The following TMEM143 variants were observed in gnomAD, a reference collection of about 807,000 sequenced individuals.
The protein encoded by TMEM143 is transmembrane protein 143.
A neutral mutation model predicts 40.3 loss-of-function variants in TMEM143; 45 were observed. The ratio of observed to expected loss-of-function variants is 1.12; its 90% CI spans 0.88 to 1.43. The LOEUF (loss-of-function observed/expected upper bound fraction) is 1.43. TMEM143 is among the 40% of genes most tolerant of loss of function. TMEM143 has a pLI of 0.00. For synonymous variants in TMEM143, 299 were observed against 282.7 expected (o/e 1.06, Z -0.58); for missense variants, 620 against 613.4 (o/e 1.01, Z -0.11).
At chr19:48,342,898 A>G (rs1969535354) in intron 5 of TMEM143, 89 bp from the exon 6 acceptor site, 1 of 1,431,926 alleles carries the variant, frequency 7.0e-7, no homozygotes, top group African/African-American at 1.4e-5. Flanking sequence ...CTCTGGCTCT[A>G]CAGTCGCACA....
Position 48,334,007 on chromosome 19 carries a change from C to G in TMEM143, c.1165+1G>C. 6.5e-7 allele frequency: 1 copy of G among 1,542,578 alleles called. No individual in the cohort carries two copies. Among genetic ancestry groups the G allele is most frequent in the Non-Finnish European group, 8.7e-7 (1 of 1,146,874 alleles). ...GGCAGGGTCCCAGGGCCACGTCCTA[C>G]CTTCGGGCGAGCCTTGAGTGCCCCC... On this transcript the variant is annotated splice_donor_variant, in intron 7 of 7. Coordinates refer to ENST00000293261, the MANE Select transcript of TMEM143 (RefSeq NM_018273.4). LOFTEE classifies it high-confidence loss of function.
At chr19:48,337,839 T>C (rs1246835889) in intron 6 of TMEM143, among the ~76,000 whole-genome samples, 1 of 152,176 alleles carries the variant, frequency 6.6e-6, no homozygotes, top group Admixed American at 6.6e-5. Context: ...CGCCATTTCT[T>C]CGGTTGAGGG....
At chr19:48,347,584 T>G (rs1410397274) in intron 3 of TMEM143, among the ~76,000 whole-genome samples, 10 of 140,082 alleles carry the variant, frequency 7.1e-5, no homozygotes, top group Non-Finnish European at 1.4e-4. Flanking sequence ...TGAGACAGAG[T>G]CTCGCTCTGT....
intron 3 of TMEM143, among the ~76,000 whole-genome samples, chr19:48,350,660 G>A (rs1049617798): frequency 6.6e-6 from 1 of 152,040 alleles, no homozygotes; most frequent in Admixed American, 6.6e-5. Context: ...AGTGGCTCAC[G>A]CCTGTAATCC....
chr19:48,346,334 C>T (rs2147369698), intron 3 of TMEM143, among the ~76,000 whole-genome samples: 1 of 150,484 alleles, frequency 6.6e-6, no homozygotes, highest in East Asian at 2.0e-4. Context: ...TCAAGTGATG[C>T]AACCACCTCG....
In TMEM143 at chr19:48,333,264, G is replaced by A. The variant is rs1158129673; in HGVS notation, c.1335C>T (p.Ile445=). The A allele has an allele frequency of 1.3e-6, 2 of 1,529,992 alleles. No individual in the cohort carries two copies. Among genetic ancestry groups the A allele is most frequent in the East Asian group, 2.3e-5 (1 of 42,856 alleles). The allele number at this position is 1,529,992 out of a possible 1,614,324, so 94.8% of individuals were successfully genotyped here. A position where few individuals can be genotyped will look rare whatever the true frequency, so the allele number is the denominator to read the frequency against. ...GFPKLDPVAP[I]TSEPPQATPS... ...GCGTGGCTTGCGGGGGCTCGGAAGT[G>A]ATCGGAGCCACTGGGTCTAGTTTGG... The change falls in exon 8 of 8, where the codon ATC becomes ATT. Residue 445 remains isoleucine, a synonymous_variant. Coordinates refer to ENST00000293261, the MANE Select transcript of TMEM143 (RefSeq NM_018273.4). This position sits in a 1 kb window ranked among gnomAD's most constrained non-coding sequence, Gnocchi z 4.1.
chr19:48,350,684 G>A (rs113860391), intron 3 of TMEM143, among the ~76,000 whole-genome samples: 6,334 of 152,180 alleles, frequency 0.042, 153 homozygotes, highest in Non-Finnish European at 0.064. Context: ...CACTTTGGGA[G>A]GCTGAGGCAG....
chr19:48,339,306 G>C (rs1489711272), intron 6 of TMEM143, among the ~76,000 whole-genome samples: 2 of 152,320 alleles, frequency 1.3e-5, no homozygotes, highest in East Asian at 3.9e-4. Context: ...CCTACAGTGA[G>C]AGTGAGGGCC....
intron 6 of TMEM143, among the ~76,000 whole-genome samples, chr19:48,339,114 G>A (rs1429551272): frequency 1.3e-5 from 2 of 152,150 alleles, no homozygotes; most frequent in Non-Finnish European, 2.9e-5. Flanking sequence ...GGGCAGGACT[G>A]GGTAGAATGG....
chr19:48,341,405 C>T (rs1969484591), intron 6 of TMEM143, among the ~76,000 whole-genome samples: 1 of 152,142 alleles, frequency 6.6e-6, no homozygotes. Flanking sequence ...TTCCCTGGGC[C>T]CCAGTCCCAG....
At position 48,363,341 on chromosome 19, in the gene TMEM143, C is replaced by G. The variant is rs747602223; in HGVS notation, c.214G>C (p.Glu72Gln). The G allele has an allele frequency of 6.2e-7, 1 of 1,614,208 alleles. No homozygotes were observed. Among genetic ancestry groups the G allele is most frequent in the Non-Finnish European group, 8.5e-7 (1 of 1,180,038 alleles). ...EPRDWAQQYR[E>Q]RFIPFSKEQL... is the part of the protein sequence containing the mutation. ...TCCTTGGAGAAGGGAATGAAGCGCT[C>G]GCGGTACTGCTGGGCCCAGTCGCGG... The change falls in exon 2 of 8, where the codon GAG becomes CAG. Residue 72 changes from glutamate to glutamine, a missense_variant. Physicochemically the swap from Glu to Gln is conservative, Grantham distance 29. Coordinates refer to ENST00000293261, the MANE Select transcript of TMEM143 (RefSeq NM_018273.4).
chr19:48,360,379 A>G, intron 2 of TMEM143: 1 of 515,608 alleles, frequency 1.9e-6, no homozygotes, highest in Non-Finnish European at 3.5e-6. Context: ...GGAGTTCAAG[A>G]CCAGCGTGGC....
At position 48,332,829 on chromosome 19, in the gene TMEM143, A is replaced by T. The variant is rs1217605807; in HGVS notation, c.*390T>A. On this transcript the variant is annotated 3_prime_UTR_variant, in exon 8 of 8. Transcript: ENST00000293261. ...TTGCCCGGAGCGGGCTGAAAAAGACAATGATATATAGTCTCGGGAGGGCGC... is the reference window on the plus strand; with the variant it reads ...TTGCCCGGAGCGGGCTGAAAAAGACTATGATATATAGTCTCGGGAGGGCGC... The T allele has an allele frequency of 6.2e-6, 1 of 161,300 alleles. No individual in the cohort carries two copies. Among genetic ancestry groups the T allele is most frequent in the East Asian group, 1.8e-4 (1 of 5,614 alleles). The allele number at this position is 161,300 out of a possible 1,614,324, so 10.0% of individuals were successfully genotyped here. A position where few individuals can be genotyped will look rare whatever the true frequency, so the allele number is the denominator to read the frequency against.
Position 48,352,256 on chromosome 19 carries a change from A to ACAAAACAAAACAAAAC in TMEM143, c.370-6903_370-6902insGTTTTGTTTTGTTTTG, listed in dbSNP as rs1204569928. On this transcript the variant is annotated intron_variant, in intron 3 of 7. Transcript: ENST00000293261. ...AGTGAGACTCTGTCTCAAAAAAAAA[A>ACAAAACAAAACAAAAC]AAAAAACACCATATCTGCATATAAC... 2.6e-4 allele frequency among the ~76,000 whole-genome samples: 39 copies of ACAAAACAAAACAAAAC among 147,224 alleles called. 1 individual carries two copies. Among genetic ancestry groups the ACAAAACAAAACAAAAC allele is most frequent in the African/African-American group, 8.0e-4 (32 of 40,168 alleles).
intron 3 of TMEM143, among the ~76,000 whole-genome samples, chr19:48,350,669 C>A (rs1387526355): frequency 6.6e-6 from 1 of 152,092 alleles, no homozygotes; most frequent in African/African-American, 2.4e-5. Flanking sequence ...CGCCTGTAAT[C>A]CCAGCACTTT....
chr19:48,333,918 G>T lies in TMEM143; in HGVS notation c.1165+90C>A. ...CTTCGCAAACCCGTCAGGTTCACCC[G>T]TGGGAACTGGGGGTGGGGACGCATC... On this transcript the variant is annotated intron_variant, in intron 7 of 7. Transcript: ENST00000293261. This position sits in a 1 kb window ranked among gnomAD's most constrained non-coding sequence, Gnocchi z 4.1. The T allele has an allele frequency of 7.3e-7, 1 of 1,364,062 alleles. No homozygotes were observed. Among genetic ancestry groups the T allele is most frequent in the Admixed American group, 2.8e-5 (1 of 36,174 alleles). The allele number at this position is 1,364,062 out of a possible 1,614,324, so 84.5% of individuals were successfully genotyped here.
intron 6 of TMEM143, among the ~76,000 whole-genome samples, chr19:48,335,836 G>C (rs1969355110): frequency 6.6e-6 from 1 of 152,124 alleles, no homozygotes; most frequent in Non-Finnish European, 1.5e-5. Context: ...TGAGGCTACA[G>C]TGAGCCATGA....
At chr19:48,345,090 A>T in intron 4 of TMEM143, 70 bp downstream of exon 4, 3 of 1,526,678 alleles carry the variant, frequency 2.0e-6, no homozygotes. Context: ...CCAGCAGCCC[A>T]TGCCTCTCAG....
chr19:48,343,009 T>TG (rs1969539366), intron 5 of TMEM143, 200 bp from the exon 6 acceptor site: 1 of 707,876 alleles, frequency 1.4e-6, no homozygotes, highest in Admixed American at 3.0e-5. Context: ...TCCCTGGTAT[T>TG]GGACGTGCAG....
Sources: gnomAD v4.1 joint callset for allele counts (sites outside exome capture counted in the v4.1 genomes callset) on GRCh38, gnomAD v4.1.1 for gene constraint, Gnocchi (gnomAD v3.1) non-coding constraint, MANE v1.5 for transcripts, NCBI Gene and HGNC (gene_info 2026-07-23, HGNC 2026-07-21) for gene names.